The following DPP6 variants were observed in gnomAD, a reference collection of about 807,000 sequenced individuals.
DPP6 encodes the protein A-type potassium channel modulatory protein DPP6.
Under a neutral mutation model 122.6 loss-of-function variants are expected in DPP6, and 69 were observed. That is an observed-to-expected ratio of 0.56 (90% confidence interval 0.46 to 0.69). The LOEUF (loss-of-function observed/expected upper bound fraction) is 0.69. Ranked by LOEUF, DPP6 falls within the 30% of genes least tolerant of loss-of-function variation. DPP6 has a pLI of 0.00. For synonymous variants in DPP6, 418 were observed against 433.1 expected (o/e 0.97, Z 0.43); for missense variants, 928 against 1,116.9 (o/e 0.83, Z 2.41).
At chr7:154,079,418 C>T (rs551060239) in intron 1 of DPP6, among the ~76,000 whole-genome samples, 90 of 152,238 alleles carry the variant, frequency 5.9e-4, no homozygotes, top group African/African-American at 2.0e-3. Flanking sequence ...TTAAGTACTG[C>T]GTACTGCGCA....
chr7:153,847,775 G>A, the DPP6 span, among the ~76,000 whole-genome samples: 6 of 152,046 alleles, frequency 3.9e-5, no homozygotes, highest in African/African-American at 7.2e-5. Context: ...TCCATCTATC[G>A]CCTTCTATAG....
intron 5 of DPP6, among the ~76,000 whole-genome samples, chr7:154,596,720 G>A (rs7384845): frequency 0.42 from 63,445 of 151,684 alleles, 13,967 homozygotes; most frequent in East Asian, 0.64. Context: ...TGAAGAATGT[G>A]CTGCTTTATA....
At chr7:154,584,507 G>T (rs572496594) in intron 5 of DPP6, among the ~76,000 whole-genome samples, 2 of 152,190 alleles carry the variant, frequency 1.3e-5, no homozygotes, top group Admixed American at 6.5e-5. Flanking sequence ...AGAAATATCC[G>T]ACCCATTGCA....
chr7:154,139,278 C>G (rs1183447554), intron 1 of DPP6, among the ~76,000 whole-genome samples: 1 of 112,482 alleles, frequency 8.9e-6, no homozygotes, highest in African/African-American at 3.8e-5. Context: ...GAAGGTGTAA[C>G]TTTCAGTCCA....
chr7:154,061,780 G>A lies in DPP6; in HGVS notation c.243+8717G>A, dbSNP rs1455733039. ...GCTCTTTGCACCCCCATCGCAGGGA[G>A]GGAGGCACCCCTCGCGACGCGGGGA... On this transcript the variant is annotated intron_variant, in intron 1 of 25. Coordinates refer to ENST00000377770, the MANE Select transcript of DPP6 (RefSeq NM_130797.4). 1.3e-3 allele frequency among the ~76,000 whole-genome samples: 183 copies of A among 138,054 alleles called. 5 individuals are homozygous for A. The highest frequency in any genetic ancestry group is 6.2e-4 in the Non-Finnish European group (39 of 62,578). 90.6% of individuals were successfully genotyped at this position (138,054 alleles called of 152,430 possible).
chr7:154,652,845 TCGGAG>T lies in DPP6; in HGVS notation c.680+14974_680+14978del, dbSNP rs548394479. Among the ~76,000 whole-genome samples, 512 of 152,002 alleles carry T rather than the reference TCGGAG, an allele frequency of 3.4e-3. 5 individuals carry two copies. The highest frequency in any genetic ancestry group is 0.011 in the African/African-American group (460 of 41,436). On this transcript the variant is annotated intron_variant, in intron 6 of 25. Transcript: ENST00000377770. The stretch of plus-strand genomic sequence containing the variant: ...GGCCAATATGGGCAAACTCCCTGAG[TCGGAG>T]CTGATACCAGCGAACGGCTTCAGAA...
chr7:154,387,576 G>A (rs1303092365), intron 1 of DPP6, among the ~76,000 whole-genome samples: 1 of 152,154 alleles, frequency 6.6e-6, no homozygotes, highest in African/African-American at 2.4e-5. Context: ...TATGTTGTTT[G>A]CTTTTACCAT....
At chr7:154,286,947 C>T (rs1804893855) in intron 1 of DPP6, among the ~76,000 whole-genome samples, 1 of 152,074 alleles carries the variant, frequency 6.6e-6, no homozygotes, top group Non-Finnish European at 1.5e-5. Context: ...GAATCACAAG[C>T]ATGCACTACC....
At chr7:154,335,491 G>A (rs958533954) in intron 1 of DPP6, among the ~76,000 whole-genome samples, 2 of 152,204 alleles carry the variant, frequency 1.3e-5, no homozygotes, top group African/African-American at 2.4e-5. Flanking sequence ...ATGTGCAGAC[G>A]TAGGTCATAA....
Position 154,063,494 on chromosome 7 carries a change from C to A in DPP6, c.243+10431C>A, listed in dbSNP as rs1366846733. Among the ~76,000 whole-genome samples the A allele has an allele frequency of 3.3e-4, 39 of 117,428 alleles. 2 individuals are homozygous for A. Among genetic ancestry groups the A allele is most frequent in the African/African-American group, 7.2e-4 (23 of 31,984 alleles). The allele number at this position is 117,428 out of a possible 152,430, so 77.0% of individuals were successfully genotyped here. A position where few individuals can be genotyped will look rare whatever the true frequency, so the allele number is the denominator to read the frequency against. On this transcript the variant is annotated intron_variant, in intron 1 of 25. Coordinates refer to ENST00000377770, the MANE Select transcript of DPP6 (RefSeq NM_130797.4). ...ACTGAGAGCCATTCCCTCTTCCCCC[C>A]CTGGCTCTTAAGACCCCCATCGCAG...
At chr7:154,818,678 T>C (rs1281854927) in intron 16 of DPP6, among the ~76,000 whole-genome samples, 3 of 152,178 alleles carry the variant, frequency 2.0e-5, no homozygotes, top group Non-Finnish European at 2.9e-5. Context: ...TTCCAAGAAA[T>C]TTACCTCAGC....
At chr7:153,934,989 G>C (rs1295817690) in intron 1 of DPP6, among the ~76,000 whole-genome samples, 1 of 152,218 alleles carries the variant, frequency 6.6e-6, no homozygotes, top group African/African-American at 2.4e-5. Context: ...TCATAGCCCA[G>C]GGTGCCATCC....
chr7:153,897,137 T>C (rs982604536), intron 1 of DPP6, among the ~76,000 whole-genome samples: 2 of 152,226 alleles, frequency 1.3e-5, no homozygotes, highest in African/African-American at 4.8e-5. Flanking sequence ...GAAAGACAGA[T>C]ATTAGTTCTT....
At chr7:154,805,177 G>C (rs1798619091) in intron 15 of DPP6, among the ~76,000 whole-genome samples, 2 of 152,224 alleles carry the variant, frequency 1.3e-5, no homozygotes, top group Admixed American at 1.3e-4. Context: ...TTTTTCTGCT[G>C]TTGTTGACTT....
intron 9 of DPP6, 27 bp from the exon 10 acceptor site, chr7:154,772,818 A>C (rs546847740): frequency 1.2e-6 from 2 of 1,604,384 alleles, no homozygotes; most frequent in Admixed American, 1.7e-5. Context: ...CTGCTTGTTC[A>C]TGTCTCTGCC....
chr7:154,889,288 A>G lies in DPP6; in HGVS notation c.2321A>G (p.His774Arg). The change falls in exon 24 of 26, where the codon CAT becomes CGT. Residue 774 changes from histidine (H) to arginine (R), a missense_variant. Coordinates refer to ENST00000377770, the MANE Select transcript of DPP6 (RefSeq NM_130797.4). ...NRAYEMTKVA[H>R]RVSALEEQQF... is the part of the protein sequence containing the mutation. ...CATGTGCAGATGACCAAGGTAGCCCATCGAGTCTCCGCGCTGGAAGAACAG... is the reference window on the plus strand; with the variant it reads ...CATGTGCAGATGACCAAGGTAGCCCGTCGAGTCTCCGCGCTGGAAGAACAG... 2 of 1,612,854 alleles carry G rather than the reference A, an allele frequency of 1.2e-6. No homozygotes were observed. The highest frequency in any genetic ancestry group is 1.7e-6 in the Non-Finnish European group (2 of 1,179,668).
At chr7:154,650,705 A>G (rs1450410998) in intron 6 of DPP6, among the ~76,000 whole-genome samples, 1 of 152,148 alleles carries the variant, frequency 6.6e-6, no homozygotes, top group Non-Finnish European at 1.5e-5. Context: ...CAGTGCTGAC[A>G]TGCAGCCTGC....
intron 1 of DPP6, among the ~76,000 whole-genome samples, chr7:154,227,057 C>T (rs1800646579): frequency 6.6e-6 from 1 of 152,116 alleles, no homozygotes; most frequent in Non-Finnish European, 1.5e-5. Flanking sequence ...CAATATGTTC[C>T]AATAATTCCA....
intron 16 of DPP6, among the ~76,000 whole-genome samples, chr7:154,828,392 G>A (rs1002954165): frequency 6.6e-6 from 1 of 152,058 alleles, no homozygotes; most frequent in Non-Finnish European, 1.5e-5. Context: ...GAGCGTGAAG[G>A]TCACTAGCTT....
Sources: allele counts gnomAD v4.1 joint callset (sites outside exome capture counted in the v4.1 genomes callset), GRCh38; gene constraint gnomAD v4.1.1; transcripts MANE v1.5; gene names NCBI Gene and HGNC (gene_info 2026-07-23, HGNC 2026-07-21).